PTPRO: variants seen among roughly 807,000 people sequenced by gnomAD.
The protein encoded by PTPRO is receptor-type tyrosine-protein phosphatase O.
A neutral mutation model predicts 145.2 loss-of-function variants in PTPRO; 62 were observed. The ratio of observed to expected loss-of-function variants is 0.43; its 90% CI spans 0.35 to 0.53. The LOEUF is 0.53. PTPRO is among the 20% of genes least tolerant of loss of function. PTPRO has a pLI of 0.01. For missense variants in PTPRO, 1,345 were observed against 1,482.7 expected (o/e 0.91, Z 1.53); for synonymous variants, 565 against 514.7 (o/e 1.10, Z -1.32).
chr12:15,590,895 C>T (rs1044677554), intron 25 of PTPRO, among the ~76,000 whole-genome samples: 3 of 152,074 alleles, frequency 2.0e-5, no homozygotes, highest in African/African-American at 7.2e-5. Flanking sequence ...GTAAACAGTG[C>T]TTTATTAATC....
chr12:15,406,754 G>T (rs1939658157), intron 1 of PTPRO, among the ~76,000 whole-genome samples: 1 of 152,178 alleles, frequency 6.6e-6, no homozygotes, highest in African/African-American at 2.4e-5. Flanking sequence ...CAAAATGTCA[G>T]ATAAATGATG....
At chr12:15,444,603 G>A (rs1004315189) in intron 1 of PTPRO, among the ~76,000 whole-genome samples, 3 of 148,588 alleles carry the variant, frequency 2.0e-5, no homozygotes, top group Admixed American at 6.8e-5. Context: ...TTTGTTTGCC[G>A]AAACGTAATC....
intron 1 of PTPRO, among the ~76,000 whole-genome samples, chr12:15,448,147 G>A (rs926896328): frequency 1.3e-5 from 2 of 151,728 alleles, no homozygotes; most frequent in Non-Finnish European, 1.5e-5. Context: ...TAGCCTATAA[G>A]ATATCAAAAT....
rs753616808 is a variant in PTPRO at position 15,557,539 on chromosome 12, G to A, written c.2627+16G>A. The stretch of plus-strand genomic sequence containing the variant: ...CATACAACTGGTGAGTATTGTTTTG[G>A]AACAAGCTTCTACATAGTTTAACTA... On this transcript the variant is annotated intron_variant, in intron 16 of 26. Coordinates refer to ENST00000281171, the MANE Select transcript of PTPRO (RefSeq NM_030667.3). 6.2e-7 allele frequency: 1 copy of A among 1,608,286 alleles called. No individual in the cohort carries two copies. The highest frequency in any genetic ancestry group is 2.2e-5 in the East Asian group (1 of 44,818).
intron 17 of PTPRO, among the ~76,000 whole-genome samples, chr12:15,560,825 G>T (rs868455046): frequency 6.6e-6 from 1 of 152,030 alleles, no homozygotes; most frequent in African/African-American, 2.4e-5. Flanking sequence ...GTGGAAATAG[G>T]GGCTTACGGA....
Position 15,428,262 on chromosome 12 carries a change from G to A in PTPRO, c.76-55712G>A, listed in dbSNP as rs142101671. Among the ~76,000 whole-genome samples, 154 of 152,222 alleles carry A rather than the reference G, an allele frequency of 1.0e-3. 1 individual carries two copies. In the East Asian group the frequency reaches 0.017, roughly 16 times the overall value. On this transcript the variant is annotated intron_variant, in intron 1 of 26. Transcript: ENST00000281171. The stretch of plus-strand genomic sequence containing the variant: ...TCAGAGCCATTACGACAAATAATTT[G>A]GTTGCAAGGGTGTTTGATACCTGAA...
intron 11 of PTPRO, among the ~76,000 whole-genome samples, chr12:15,525,771 G>A (rs947872197): frequency 2.0e-4 from 30 of 152,166 alleles, no homozygotes; most frequent in Admixed American, 9.2e-4. Context: ...GAAGCCACAC[G>A]TCTACAGATA....
chr12:15,495,611 G>A lies in PTPRO; in HGVS notation c.350-1634G>A, dbSNP rs1250721202. ...AAAGGGTCAGAATCTCATTTAAAGA[G>A]AGTTTTATCAAGCACAAAGTGTGAG... On this transcript the variant is annotated intron_variant, in intron 2 of 26. Coordinates refer to ENST00000281171, the MANE Select transcript of PTPRO (RefSeq NM_030667.3). 1.3e-5 allele frequency among the ~76,000 whole-genome samples: 2 copies of A among 151,976 alleles called. 1 individual carries two copies. The highest frequency in any genetic ancestry group is 4.2e-4 in the South Asian group (2 of 4,806).
At chr12:15,374,533 AGGG>A (rs892508079) in intron 1 of PTPRO, among the ~76,000 whole-genome samples, 1 of 152,160 alleles carries the variant, frequency 6.6e-6, no homozygotes, top group Non-Finnish European at 1.5e-5. Context: ...GGAGCACTGG[AGGG>A]GGCAGTCCAA....
intron 1 of PTPRO, among the ~76,000 whole-genome samples, chr12:15,352,183 G>A (rs1791299099): frequency 6.6e-6 from 1 of 152,172 alleles, no homozygotes; most frequent in South Asian, 2.1e-4. Context: ...GGCAGACTGT[G>A]TTACAAGGTG....
intron 6 of PTPRO, among the ~76,000 whole-genome samples, chr12:15,505,522 A>G (rs1323745352): frequency 6.6e-6 from 1 of 152,216 alleles, no homozygotes; most frequent in East Asian, 1.9e-4. Flanking sequence ...ATGCATCTTA[A>G]TATTTATCTA....
intron 17 of PTPRO, among the ~76,000 whole-genome samples, chr12:15,564,475 G>T (rs984961368): frequency 3.9e-5 from 6 of 152,126 alleles, no homozygotes; most frequent in Admixed American, 3.3e-4. Context: ...CTCAGCCCTG[G>T]GGGGAAGCTA....
intron 17 of PTPRO, chr12:15,565,275 A>G (rs916273812): frequency 4.9e-6 from 1 of 204,200 alleles, no homozygotes; most frequent in Non-Finnish European, 9.8e-6. Context: ...GTAGATAGAT[A>G]CTTCTATATA....
intron 7 of PTPRO, 63 bp downstream of exon 7, chr12:15,508,830 T>C: frequency 1.3e-6 from 2 of 1,535,092 alleles, no homozygotes; most frequent in Non-Finnish European, 8.9e-7. Flanking sequence ...TACAGGGCAA[T>C]GCCAAGGAGG....
At chr12:15,574,408 C>G (rs1447097750) in intron 19 of PTPRO, among the ~76,000 whole-genome samples, 1 of 152,188 alleles carries the variant, frequency 6.6e-6, no homozygotes, top group Non-Finnish European at 1.5e-5. Flanking sequence ...TCACATATTG[C>G]TCATTCTGCT....
chr12:15,462,978 T>C (rs980659669), intron 1 of PTPRO, among the ~76,000 whole-genome samples: 1 of 152,166 alleles, frequency 6.6e-6, no homozygotes, highest in East Asian at 1.9e-4. Context: ...AATCATATTG[T>C]TATATACTAT....
chr12:15,488,298 G>T (rs1941932315), intron 2 of PTPRO, among the ~76,000 whole-genome samples: 1 of 152,140 alleles, frequency 6.6e-6, no homozygotes, highest in Non-Finnish European at 1.5e-5. Context: ...AATTTGAGGG[G>T]CAATAATAGG....
At chr12:15,532,142 A>T (rs10846191) in intron 12 of PTPRO, among the ~76,000 whole-genome samples, 65,875 of 151,930 alleles carry the variant, frequency 0.43, 14,741 homozygotes, top group African/African-American at 0.52. Flanking sequence ...CTATTTGCCA[A>T]GACAAAAGCT....
chr12:15,430,219 G>C (rs1027520629), intron 1 of PTPRO, among the ~76,000 whole-genome samples: 4 of 151,846 alleles, frequency 2.6e-5, no homozygotes, highest in Middle Eastern at 6.8e-3. Flanking sequence ...GAGATAGCAG[G>C]CAGAGAGATG....
Sources: gnomAD v4.1 joint callset for allele counts (sites outside exome capture counted in the v4.1 genomes callset) on GRCh38, gnomAD v4.1.1 for gene constraint, MANE v1.5 for transcripts, NCBI Gene and HGNC (gene_info 2026-07-23, HGNC 2026-07-21) for gene names.